The following NEDD4L variants were observed in gnomAD, a reference collection of about 807,000 sequenced individuals.
NEDD4L encodes E3 ubiquitin-protein ligase NEDD4-like.
In NEDD4L, 54 loss-of-function variants were observed where a neutral mutation model predicts 148.9. The ratio of observed to expected loss-of-function variants is 0.36; its 90% CI spans 0.29 to 0.45. NEDD4L has a LOEUF of 0.45. NEDD4L is among the 20% of genes least tolerant of loss of function. The pLI, the probability that NEDD4L is intolerant of heterozygous loss-of-function variation, is 1.00. For missense variants in NEDD4L, 856 were observed against 1,233.8 expected, an observed-to-expected ratio of 0.69 and a Z score of 4.59; for synonymous variants, 433 against 440.7, an observed-to-expected ratio of 0.98 and a Z score of 0.22.
intron 1 of NEDD4L, among the ~76,000 whole-genome samples, chr18:58,079,217 G>C (rs1020079436): frequency 4.6e-5 from 7 of 152,122 alleles, no homozygotes; most frequent in Non-Finnish European, 8.8e-5. Flanking sequence ...GTCTCTGATT[G>C]TAATTTCCTT....
intron 5 of NEDD4L, among the ~76,000 whole-genome samples, chr18:58,261,372 G>A (rs1180326165): frequency 6.6e-6 from 1 of 152,030 alleles, no homozygotes; most frequent in African/African-American, 2.4e-5. Context: ...CTGTTACTTT[G>A]GTATAGACTG....
intron 2 of NEDD4L, among the ~76,000 whole-genome samples, chr18:58,244,887 G>T (rs891726718): frequency 3.3e-5 from 5 of 152,038 alleles, no homozygotes; most frequent in African/African-American, 7.3e-5. Flanking sequence ...GTAGAGACAG[G>T]GTTTCACCAG....
chr18:58,113,563 C>T (rs997067641), intron 1 of NEDD4L, among the ~76,000 whole-genome samples: 12 of 152,078 alleles, frequency 7.9e-5, no homozygotes, highest in Middle Eastern at 3.2e-3. Flanking sequence ...GAGGGGGTTT[C>T]CCAGGCAGGG....
intron 24 of NEDD4L, among the ~76,000 whole-genome samples, chr18:58,375,202 C>T (rs543785195): frequency 6.6e-6 from 1 of 152,250 alleles, no homozygotes; most frequent in East Asian, 1.9e-4. Flanking sequence ...TTGGCACGTC[C>T]CTGTCTGTGC....
At chr18:58,264,897 G>A (rs1232896343) in intron 5 of NEDD4L, among the ~76,000 whole-genome samples, 4 of 152,022 alleles carry the variant, frequency 2.6e-5, no homozygotes, top group Non-Finnish European at 4.4e-5. Flanking sequence ...AATAATCACT[G>A]CACGTGAAGC....
At chr18:58,176,273 G>A (rs572748588) in intron 2 of NEDD4L, among the ~76,000 whole-genome samples, 4 of 150,886 alleles carry the variant, frequency 2.7e-5, no homozygotes, top group South Asian at 2.1e-4. Flanking sequence ...TCACTCTGTC[G>A]TCCTCTCTCT....
In NEDD4L at chr18:58,145,501, A is replaced by C. The variant is rs192950949; in HGVS notation, c.49-20287A>C. Among the ~76,000 whole-genome samples the C allele has an allele frequency of 3.3e-3, 502 of 152,300 alleles. 1 individual carries two copies. Among genetic ancestry groups the C allele is most frequent in the Admixed American group, 8.6e-3 (132 of 15,306 alleles). On this transcript the variant is annotated intron_variant, in intron 1 of 30. Transcript: ENST00000400345. ...TTGTAAAATACACCAAATTGTGAGG[A>C]TTGAATGAGATAATGTCAAAGTATT...
At chr18:58,088,992 C>T (rs554410210) in intron 1 of NEDD4L, among the ~76,000 whole-genome samples, 2 of 152,230 alleles carry the variant, frequency 1.3e-5, no homozygotes, top group South Asian at 4.2e-4. Flanking sequence ...AGATAAGGTC[C>T]CCACTCGCCT....
chr18:58,278,487 T>C (rs1320230409), intron 5 of NEDD4L, among the ~76,000 whole-genome samples: 1 of 152,186 alleles, frequency 6.6e-6, no homozygotes, highest in African/African-American at 2.4e-5. Flanking sequence ...AGCTCAAAAG[T>C]ATGGATTTTA....
intron 2 of NEDD4L, among the ~76,000 whole-genome samples, chr18:58,198,232 T>G (rs756499856): frequency 4.6e-5 from 7 of 152,166 alleles, no homozygotes; most frequent in Non-Finnish European, 1.0e-4. Flanking sequence ...AAAATTTATT[T>G]TAAGAAACAA....
chr18:58,108,279 A>G (rs761823074), intron 1 of NEDD4L, among the ~76,000 whole-genome samples: 3 of 152,172 alleles, frequency 2.0e-5, no homozygotes, highest in Non-Finnish European at 2.9e-5. Context: ...CAGGGGAGAG[A>G]TCATTTGGGT....
intron 6 of NEDD4L, among the ~76,000 whole-genome samples, chr18:58,318,879 G>T (rs2058527000): frequency 6.6e-6 from 1 of 152,076 alleles, no homozygotes; most frequent in African/African-American, 2.4e-5. Context: ...AAGGCAGTGG[G>T]GCAGAGAGAG....
chr18:58,163,395 C>T (rs1315088005), intron 1 of NEDD4L, among the ~76,000 whole-genome samples: 1 of 152,204 alleles, frequency 6.6e-6, no homozygotes, highest in Non-Finnish European at 1.5e-5. Context: ...CCCTGACTCC[C>T]AGCCTGTGAG....
chr18:58,350,605 C>G (rs977841384), intron 17 of NEDD4L, among the ~76,000 whole-genome samples: 1 of 152,200 alleles, frequency 6.6e-6, no homozygotes, highest in South Asian at 2.1e-4. Flanking sequence ...AACACAAATA[C>G]AGTTAACCAT....
intron 6 of NEDD4L, among the ~76,000 whole-genome samples, chr18:58,317,353 G>A (rs190263970): frequency 1.3e-5 from 2 of 152,248 alleles, no homozygotes; most frequent in African/African-American, 2.4e-5. Context: ...CTTCTACGTT[G>A]GGAGGTCTTC....
chr18:58,221,671 A>C (rs1173943258), intron 2 of NEDD4L: 1 of 985,356 alleles, frequency 1.0e-6, no homozygotes, highest in African/African-American at 1.7e-5. Flanking sequence ...AGGGAGCCGG[A>C]GGGTCACCAA....
At chr18:58,330,647 C>A (rs754670402) in intron 10 of NEDD4L, 91 bp from the exon 11 acceptor site, 2 of 975,852 alleles carry the variant, frequency 2.0e-6, no homozygotes, top group Non-Finnish European at 2.9e-6. Context: ...TAGTTATCAC[C>A]GGGGCTATTG....
intron 2 of NEDD4L, among the ~76,000 whole-genome samples, chr18:58,223,909 A>G (rs1197221834): frequency 2.6e-5 from 4 of 152,262 alleles, no homozygotes; most frequent in South Asian, 4.2e-4. Context: ...TACAGTAAAT[A>G]TTTGTGCTTC....
chr18:58,114,815 C>T (rs1598889335), intron 1 of NEDD4L, among the ~76,000 whole-genome samples: 1 of 152,178 alleles, frequency 6.6e-6, no homozygotes, highest in Non-Finnish European at 1.5e-5. Context: ...CTCATTGTCC[C>T]CTCCCTGCGT....
Sources: allele counts gnomAD v4.1 joint callset (sites outside exome capture counted in the v4.1 genomes callset), GRCh38; gene constraint gnomAD v4.1.1; transcripts MANE v1.5; gene names NCBI Gene and HGNC (gene_info 2026-07-23, HGNC 2026-07-21).